The following KCNH7 variants were observed in gnomAD, a reference collection of about 807,000 sequenced individuals.
KCNH7 encodes voltage-gated inwardly rectifying potassium channel KCNH7.
Under a neutral mutation model 120.8 loss-of-function variants are expected in KCNH7, and 49 were observed. The observed-to-expected ratio is 0.41, with a 90% CI of 0.32 to 0.51. KCNH7 has a LOEUF of 0.51. KCNH7 is among the 20% of genes least tolerant of loss of function. The pLI is 0.38. For synonymous variants in KCNH7, 547 were observed against 516.1 expected, an observed-to-expected ratio of 1.06 and a Z score of -0.81; for missense variants, 1,097 against 1,446.6, an observed-to-expected ratio of 0.76 and a Z score of 3.92.
chr2:162,459,774 A>C (rs1466107035), intron 6 of KCNH7, among the ~76,000 whole-genome samples: 3 of 152,082 alleles, frequency 2.0e-5, no homozygotes, highest in Non-Finnish European at 4.4e-5. Flanking sequence ...TGGCCTTTGC[A>C]AGGAAGGGTG....
At chr2:162,421,131 C>T (rs1030514236) in intron 9 of KCNH7, among the ~76,000 whole-genome samples, 4 of 152,030 alleles carry the variant, frequency 2.6e-5, no homozygotes, top group Admixed American at 6.6e-5. Flanking sequence ...ACAAGAAGTC[C>T]GTGCAAAGTC....
chr2:162,558,323 C>T (rs1285732995), intron 2 of KCNH7, among the ~76,000 whole-genome samples: 1 of 151,846 alleles, frequency 6.6e-6, no homozygotes, highest in African/African-American at 2.4e-5. Flanking sequence ...TACAGGTGCC[C>T]GCCACCATGC....
intron 6 of KCNH7, among the ~76,000 whole-genome samples, chr2:162,450,643 C>T (rs1558951656): frequency 1.3e-5 from 2 of 151,940 alleles, no homozygotes; most frequent in African/African-American, 4.8e-5. Flanking sequence ...CACCAAGATA[C>T]AGGAATTTTG....
In KCNH7 at chr2:162,727,887, A is replaced by G. The variant is rs1209047667; in HGVS notation, c.307+108650T>C. Among the ~76,000 whole-genome samples the G allele has an allele frequency of 2.0e-5, 3 of 152,172 alleles. 1 individual carries two copies. Among genetic ancestry groups the G allele is most frequent in the Admixed American group, 1.3e-4 (2 of 15,280 alleles). The stretch of plus-strand genomic sequence containing the variant: ...AGGAATGAACAAAAATTGAAATTTT[A>G]GCACCAATGTATGAAAGGATTTTTT... On this transcript the variant is annotated intron_variant, in intron 2 of 15. Coordinates refer to ENST00000332142, the MANE Select transcript of KCNH7 (RefSeq NM_033272.4).
Position 162,384,785 on chromosome 2 carries a change from A to C in KCNH7, c.2865T>G (p.Ser955=). 6.2e-7 allele frequency: 1 copy of C among 1,612,890 alleles called. No individual in the cohort carries two copies. The highest frequency in any genetic ancestry group is 8.5e-7 in the Non-Finnish European group (1 of 1,179,146). ...CAGATGCTTTCCCTATTCCTGGAGA[A>C]GAGTCTACTATTCCTGAGAAGAGCG... ...QKPLFSGIVD[S]SPGIGKASGL... is the part of the protein sequence containing the mutation. Residue 955 remains serine (S), a synonymous_variant, in exon 13 of 16, where the codon TCT becomes TCG. Transcript: ENST00000332142.
chr2:162,717,850 C>T lies in KCNH7; in HGVS notation c.307+118687G>A, dbSNP rs189943729. Among the ~76,000 whole-genome samples, 15 of 152,154 alleles carry T rather than the reference C, an allele frequency of 9.9e-5. No homozygotes were observed. The East Asian group carries it at 2.5e-3, about 25-fold the overall frequency. The stretch of plus-strand genomic sequence containing the variant: ...ATTACTTGAAAAGTACAATTATAAA[C>T]AGTCCCTAAAGAATAAAATTCCTTA... On this transcript the variant is annotated intron_variant, in intron 2 of 15. Transcript: ENST00000332142.
At position 162,384,677 on chromosome 2, in the gene KCNH7, C is replaced by A; in HGVS notation, c.2962+11G>T. On this transcript the variant is annotated intron_variant, in intron 13 of 15. Transcript: ENST00000332142. ...TGAAGAGAGACCACCTGATGTCTAA[C>A]TCTGGATTACCTTTGCAAGAGTGAC... 2 of 1,611,096 alleles carry A rather than the reference C, an allele frequency of 1.2e-6. No homozygotes were observed. Among genetic ancestry groups the A allele is most frequent in the Non-Finnish European group, 1.7e-6 (2 of 1,178,298 alleles).
At chr2:162,500,359 T>C (rs991947473) in intron 6 of KCNH7, among the ~76,000 whole-genome samples, 12 of 78,858 alleles carry the variant, frequency 1.5e-4, no homozygotes, top group African/African-American at 6.4e-4. Context: ...ATATAGTATA[T>C]AGTATATAAT....
intron 2 of KCNH7, among the ~76,000 whole-genome samples, chr2:162,636,255 G>T (rs190793006): frequency 7.2e-4 from 110 of 152,172 alleles, no homozygotes; most frequent in Admixed American, 1.4e-3. Context: ...CGGAAAAGAA[G>T]AAATTATTAT....
At chr2:162,727,420 CTACA>C (rs1486474391) in intron 2 of KCNH7, among the ~76,000 whole-genome samples, 2 of 152,204 alleles carry the variant, frequency 1.3e-5, no homozygotes, top group African/African-American at 4.8e-5. Context: ...GGTTTAAACT[CTACA>C]TAATCAATAT....
intron 6 of KCNH7, 136 bp from the exon 7 acceptor site, chr2:162,446,579 AAC>A (rs765240702): frequency 1.1e-5 from 7 of 652,030 alleles, no homozygotes; most frequent in Non-Finnish European, 1.8e-5. Flanking sequence ...GTATTTATGA[AAC>A]ACACACATAC....
At chr2:162,505,702 C>T (rs1486411801) in intron 5 of KCNH7, among the ~76,000 whole-genome samples, 2 of 151,834 alleles carry the variant, frequency 1.3e-5, no homozygotes, top group African/African-American at 4.8e-5. Context: ...TTATAAAAAT[C>T]GTGAGCTCCC....
At position 162,565,404 on chromosome 2, in the gene KCNH7, A is replaced by G. The variant is rs145734974; in HGVS notation, c.308-28324T>C. Among the ~76,000 whole-genome samples, 397 of 152,196 alleles carry G rather than the reference A, an allele frequency of 2.6e-3. 4 individuals are homozygous for G. The highest frequency in any genetic ancestry group is 8.9e-3 in the African/African-American group (370 of 41,562). ...TTTAAATAAATTCTAATTATTTAGTATATACTCTTACTGGAACATATATTT... is the reference window on the plus strand; with the variant it reads ...TTTAAATAAATTCTAATTATTTAGTGTATACTCTTACTGGAACATATATTT... On this transcript the variant is annotated intron_variant, in intron 2 of 15. Transcript: ENST00000332142.
intron 2 of KCNH7, among the ~76,000 whole-genome samples, chr2:162,767,119 C>A (rs1258801625): frequency 1.3e-5 from 2 of 152,000 alleles, no homozygotes; most frequent in Non-Finnish European, 2.9e-5. Flanking sequence ...ATTTATTTAA[C>A]CCATATCATA....
At chr2:162,671,702 A>T (rs988841790) in intron 2 of KCNH7, among the ~76,000 whole-genome samples, 1 of 151,988 alleles carries the variant, frequency 6.6e-6, no homozygotes, top group Non-Finnish European at 1.5e-5. Flanking sequence ...GACATGCACA[A>T]CTGTAGCTCC....
At chr2:162,514,659 T>C (rs1386744402) in intron 4 of KCNH7, among the ~76,000 whole-genome samples, 2 of 151,786 alleles carry the variant, frequency 1.3e-5, no homozygotes, top group Admixed American at 6.6e-5. Context: ...GGGGTTTATA[T>C]TTTATGTCTA....
At chr2:162,636,965 C>A (rs1387824644) in intron 2 of KCNH7, among the ~76,000 whole-genome samples, 1 of 152,084 alleles carries the variant, frequency 6.6e-6, no homozygotes, top group Non-Finnish European at 1.5e-5. Flanking sequence ...CACCACCCTC[C>A]CCACCATTCT....
intron 2 of KCNH7, among the ~76,000 whole-genome samples, chr2:162,590,297 G>GT (rs1694169407): frequency 6.6e-6 from 1 of 152,100 alleles, no homozygotes; most frequent in Non-Finnish European, 1.5e-5. Context: ...GTGCATCTGA[G>GT]TGGGAGGAGA....
At position 162,396,854 on chromosome 2, in the gene KCNH7, C is replaced by T; in HGVS notation, c.2499G>A (p.Leu833=). The T allele has an allele frequency of 1.2e-6, 2 of 1,611,710 alleles. No individual in the cohort carries two copies. Among genetic ancestry groups the T allele is most frequent in the South Asian group, 1.1e-5 (1 of 91,016 alleles). Residue 833 remains leucine, a synonymous_variant, in exon 11 of 16, where the codon TTG becomes TTA. Coordinates refer to ENST00000332142, the MANE Select transcript of KCNH7 (RefSeq NM_033272.4). ...ACAAGTCTTCTCGCTGAATCTTATG[C>T]AAGTCACAGTATGTGAGGGCTCTTA... ...ADVRALTYCD[L]HKIQREDLLE... is the part of the protein sequence containing the mutation.
Sources: gnomAD v4.1 joint callset for allele counts (sites outside exome capture counted in the v4.1 genomes callset) on GRCh38, gnomAD v4.1.1 for gene constraint, MANE v1.5 for transcripts, NCBI Gene and HGNC (gene_info 2026-07-23, HGNC 2026-07-21) for gene names.